PTP4A1: variants seen among roughly 807,000 people sequenced by gnomAD.
PTP4A1 encodes protein tyrosine phosphatase type IVA 1.
Under a neutral mutation model 20.5 loss-of-function variants are expected in PTP4A1, and 9 were observed. The observed-to-expected ratio is 0.44, with a 90% CI of 0.26 to 0.77. PTP4A1 has a LOEUF of 0.77. PTP4A1 is among the 30% of genes least tolerant of loss of function. PTP4A1 has a pLI of 0.19. For synonymous variants in PTP4A1, 78 were observed against 67.4 expected, an observed-to-expected ratio of 1.16 and a Z score of -0.77; for missense variants, 137 against 218.8, an observed-to-expected ratio of 0.63 and a Z score of 2.36.
chr6:63,544,754 G>A (rs1776115325), intron 2 of PTP4A1, among the ~76,000 whole-genome samples: 1 of 152,068 alleles, frequency 6.6e-6, no homozygotes, highest in African/African-American at 2.4e-5. Flanking sequence ...CGTTTGGCAG[G>A]AATATCTCTG....
chr6:63,577,245 A>C (rs1046060593), intron 2 of PTP4A1, among the ~76,000 whole-genome samples: 1 of 152,222 alleles, frequency 6.6e-6, no homozygotes, highest in Admixed American at 6.5e-5. Context: ...GCTCTTACTT[A>C]TCTTGTAAGA....
At chr6:63,516,770 T>C (rs1774744188), upstream of PTP4A1, among the ~76,000 whole-genome samples, 2 of 152,208 alleles carry the variant, frequency 1.3e-5, no homozygotes, top group South Asian at 4.1e-4. Flanking sequence ...GGAAGTATTC[T>C]TAAAGAAAGG....
intron 3 of PTP4A1, among the ~76,000 whole-genome samples, chr6:63,554,873 G>A (rs1481270022): frequency 6.6e-6 from 1 of 152,156 alleles, no homozygotes; most frequent in African/African-American, 2.4e-5. Context: ...ATTTATGTTT[G>A]TATATCCACC....
At chr6:63,549,100 G>A (rs546019674) in intron 2 of PTP4A1, 243 of 705,084 alleles carry the variant, frequency 3.4e-4, no homozygotes, top group African/African-American at 3.2e-3. Context: ...ACTCCTGCTC[G>A]AAGGACAGGT....
intron 5 of PTP4A1, among the ~76,000 whole-genome samples, 185 bp downstream of exon 5, chr6:63,579,516 T>TTG (rs1778083094): frequency 6.6e-6 from 1 of 152,274 alleles, no homozygotes; most frequent in East Asian, 1.9e-4. Flanking sequence ...ACTAAGATTC[T>TTG]AATCCAACAA....
intron 3 of PTP4A1, among the ~76,000 whole-genome samples, chr6:63,565,247 A>T (rs997774556): frequency 6.6e-6 from 1 of 151,942 alleles, no homozygotes; most frequent in Non-Finnish European, 1.5e-5. Flanking sequence ...ATCTTAATAC[A>T]CACACTAAGC....
At chr6:63,579,200 AAATT>A in intron 4 of PTP4A1, 53 bp from the exon 5 acceptor site, 3 of 1,527,936 alleles carry the variant, frequency 2.0e-6, no homozygotes, top group Non-Finnish European at 2.7e-6. Context: ...TTGGAGAAAT[AAATT>A]TACAAAGATC....
intron 3 of PTP4A1, among the ~76,000 whole-genome samples, chr6:63,560,138 T>C (rs1166780930): frequency 6.6e-6 from 1 of 151,822 alleles, no homozygotes; most frequent in African/African-American, 2.4e-5. Context: ...AAGTGAAAAG[T>C]ACCAGCCTGG....
At chr6:63,578,681 A>C (rs1490335333) in intron 3 of PTP4A1, 152 bp downstream of exon 3, 2 of 1,287,454 alleles carry the variant, frequency 1.6e-6, no homozygotes, top group Non-Finnish European at 2.1e-6. Context: ...TTAATTTCTA[A>C]ATAAAGGTGA....
chr6:63,516,490 C>G, the PTP4A1 span, among the ~76,000 whole-genome samples: 1 of 152,302 alleles, frequency 6.6e-6, no homozygotes, highest in African/African-American at 2.4e-5. Context: ...AATGATCTAG[C>G]TTTGAATCTT....
chr6:63,580,002 A>AT, intron 5 of PTP4A1, 55 bp from the exon 6 acceptor site: 1 of 1,317,926 alleles, frequency 7.6e-7, no homozygotes, highest in Non-Finnish European at 1.1e-6. Context: ...AAGACACTAA[A>AT]TATTACTGTA....
rs1350650779 is a variant in PTP4A1, at chr6:63,580,985, G to T, written c.*811G>T. On this transcript the variant is annotated 3_prime_UTR_variant, in exon 6 of 6. Transcript: ENST00000626021. ...TAGCAAAATGTTGCCTTTGTCTTGT[G>T]CAAACATGTAGAATATGCTCTTTAA... The T allele has an allele frequency of 6.6e-6, 1 of 152,278 alleles. No individual in the cohort carries two copies. The highest frequency in any genetic ancestry group is 1.5e-5 in the Non-Finnish European group (1 of 67,986). 9.4% of individuals were successfully genotyped at this position (152,278 alleles called of 1,614,324 possible).
chr6:63,523,058 T>C (rs1179150070), intron 1 of PTP4A1, among the ~76,000 whole-genome samples: 2 of 151,320 alleles, frequency 1.3e-5, no homozygotes, highest in Non-Finnish European at 2.9e-5. Flanking sequence ...AGACATGGGG[T>C]TTCACCTTTT....
chr6:63,563,188 A>G (rs1409954880), intron 3 of PTP4A1, among the ~76,000 whole-genome samples: 28 of 152,226 alleles, frequency 1.8e-4, no homozygotes, highest in Non-Finnish European at 7.3e-5. Context: ...TCCACAGAAC[A>G]GAAAAACAAT....
intron 3 of PTP4A1, among the ~76,000 whole-genome samples, chr6:63,566,795 G>T (rs1309536435): frequency 1.3e-5 from 2 of 152,162 alleles, no homozygotes. Flanking sequence ...AGTGCTGTTT[G>T]ATAGTATTTT....
At chr6:63,557,629 A>G (rs1049520944) in intron 3 of PTP4A1, among the ~76,000 whole-genome samples, 1 of 152,128 alleles carries the variant, frequency 6.6e-6, no homozygotes, top group African/African-American at 2.4e-5. Flanking sequence ...AATTCCAGGT[A>G]AAAGGAATTG....
the PTP4A1 span, among the ~76,000 whole-genome samples, chr6:63,516,591 C>T: frequency 6.6e-6 from 1 of 152,186 alleles, no homozygotes; most frequent in South Asian, 2.1e-4. Flanking sequence ...GGCACTCAAA[C>T]ATGGCATACT....
At chr6:63,577,896 A>C (rs1327603790) in intron 2 of PTP4A1, among the ~76,000 whole-genome samples, 1 of 149,922 alleles carries the variant, frequency 6.7e-6, no homozygotes, top group Non-Finnish European at 1.5e-5. Flanking sequence ...ATAGTATATT[A>C]TATTAGTAAT....
At chr6:63,569,032 C>T (rs1777302712), upstream of PTP4A1, among the ~76,000 whole-genome samples, 1 of 152,116 alleles carries the variant, frequency 6.6e-6, no homozygotes, top group Non-Finnish European at 1.5e-5. Flanking sequence ...ATTACTCTTG[C>T]TATGTTAAAT....
Sources: gnomAD v4.1 joint callset for allele counts (sites outside exome capture counted in the v4.1 genomes callset) on GRCh38, gnomAD v4.1.1 for gene constraint, MANE v1.5 for transcripts, NCBI Gene and HGNC (gene_info 2026-07-23, HGNC 2026-07-21) for gene names.